PDK3: variants seen among roughly 807,000 people sequenced by gnomAD.
The protein encoded by PDK3 is pyruvate dehydrogenase kinase 3.
A neutral mutation model predicts 32.0 loss-of-function variants in PDK3; 12 were observed. The observed-to-expected ratio is 0.37, with a 90% CI of 0.24 to 0.61. The LOEUF (loss-of-function observed/expected upper bound fraction) is 0.61, where lower values mean the gene tolerates loss of function less well. Ranked by LOEUF, PDK3 falls within the 20% of genes least tolerant of loss-of-function variation. The probability of loss-of-function intolerance (pLI) is 0.65; values close to 1 mark genes in which losing one functional copy is unlikely to be tolerated. For synonymous variants in PDK3, 122 were observed against 116.3 expected, an observed-to-expected ratio of 1.05 and a Z score of -0.31; for missense variants, 188 against 316.9, an observed-to-expected ratio of 0.59 and a Z score of 3.09.
intron 1 of PDK3, among the ~76,000 whole-genome samples, chrX:24,471,853 A>G (rs750674268): frequency 1.9e-3 from 212 of 112,165 alleles, no homozygotes; most frequent in African/African-American, 6.6e-3. Flanking sequence ...CTTATTTGAC[A>G]TTGAGATCTA....
chrX:24,537,127 T>C (rs1256223126), downstream of PDK3, among the ~76,000 whole-genome samples: 3 of 99,757 alleles, frequency 3.0e-5, no homozygotes, highest in African/African-American at 1.1e-4. Context: ...CTTTTTTTTT[T>C]TTTTTTTTGA....
chrX:24,543,376 G>A, exon 12 of PDK3, among the ~76,000 whole-genome samples: 1 of 111,261 alleles, frequency 9.0e-6, no homozygotes, highest in Non-Finnish European at 1.9e-5. Flanking sequence ...TCAGTTTTCT[G>A]TACTGTTGAT....
At position 24,503,898 on chromosome X, in the gene PDK3, A is replaced by G. The variant is rs764044453; in HGVS notation, c.505+387A>G. 5.3e-5 allele frequency among the ~76,000 whole-genome samples: 6 copies of G among 112,347 alleles called. No individual in the cohort carries two copies. The East Asian group carries it at 1.4e-3, about 26-fold the overall frequency. On this transcript the variant is annotated intron_variant, in intron 4 of 10. Transcript: ENST00000379162. ...TGTTTTCCTTTTTAGTTTTAAAAAC[A>G]TTGACACTGGAAATATTGAATTGGA... is the stretch of plus-strand genomic sequence containing the variant.
chrX:24,501,720 ATAAAC>A (rs1429892739), intron 3 of PDK3, among the ~76,000 whole-genome samples: 1 of 112,409 alleles, frequency 8.9e-6, no homozygotes, highest in East Asian at 2.8e-4. Context: ...TCATAAATAA[ATAAAC>A]AAACAAACAA....
chrX:24,483,461 C>T (rs751374557), intron 1 of PDK3, among the ~76,000 whole-genome samples: 2 of 111,906 alleles, frequency 1.8e-5, no homozygotes, highest in Non-Finnish European at 3.8e-5. Flanking sequence ...CATCATGTCT[C>T]TTCCACTCTC....
At position 24,465,317 on chromosome X, in the gene PDK3, G is replaced by T. The variant is rs865963558; in HGVS notation, c.-139G>T. On this transcript the variant is annotated 5_prime_UTR_variant, in exon 1 of 11. Transcript: ENST00000379162. The stretch of plus-strand genomic sequence containing the variant: ...CTGGAGCTGCTGCTGCTGCTGCGGC[G>T]GCTGCACCGGCGGCGCCGAGGCCGA... 15 of 355,486 alleles carry T rather than the reference G, an allele frequency of 4.2e-5. 1 individual carries two copies. Among genetic ancestry groups the T allele is most frequent in the South Asian group, 1.2e-4 (2 of 16,981 alleles). The allele number at this position is 355,486 out of a possible 1,213,427, so 29.3% of individuals were successfully genotyped here. A position where few individuals can be genotyped will look rare whatever the true frequency, so the allele number is the denominator to read the frequency against.
rs186756587 is a variant in PDK3, at chrX:24,519,088, G to A, written c.673+78G>A. ...GTTTATACCTAAGCCATATTTCAGT[G>A]AGCTCCAAAAATTATACTGATTTTT... On this transcript the variant is annotated intron_variant, in intron 6 of 10. Coordinates refer to ENST00000379162, the MANE Select transcript of PDK3 (RefSeq NM_005391.5). 1.1e-4 allele frequency: 64 copies of A among 586,553 alleles called. No individual in the cohort carries two copies. In the African/African-American group the frequency reaches 1.3e-3, roughly 12 times the overall value. 48.3% of individuals were successfully genotyped at this position (586,553 alleles called of 1,213,427 possible).
intron 6 of PDK3, among the ~76,000 whole-genome samples, chrX:24,521,592 T>A (rs1922398447): frequency 9.0e-6 from 1 of 111,429 alleles, no homozygotes; most frequent in Non-Finnish European, 1.9e-5. Flanking sequence ...TGATCTCACA[T>A]CTGCAGGTAG....
intron 7 of PDK3, 80 bp downstream of exon 7, chrX:24,526,354 T>C (rs1922523314): frequency 1.7e-6 from 1 of 605,382 alleles, no homozygotes. Flanking sequence ...TTCATTAGAT[T>C]AGCATAAGAA....
At chrX:24,467,445 C>T (rs988489772) in intron 1 of PDK3, among the ~76,000 whole-genome samples, 12 of 112,217 alleles carry the variant, frequency 1.1e-4, no homozygotes, top group African/African-American at 3.6e-4. Flanking sequence ...GAGGGATTCA[C>T]TAAGGTCATG....
At chrX:24,513,166 A>G (rs1922167193) in intron 5 of PDK3, among the ~76,000 whole-genome samples, 1 of 109,947 alleles carries the variant, frequency 9.1e-6, no homozygotes, top group Non-Finnish European at 1.9e-5. Flanking sequence ...CAATCTGGAG[A>G]TTGGATATTC....
downstream of PDK3, among the ~76,000 whole-genome samples, chrX:24,537,010 T>C (rs1922790085): frequency 9.0e-6 from 1 of 111,628 alleles, no homozygotes; most frequent in African/African-American, 3.3e-5. Context: ...CATTAATCTT[T>C]GAAAGCTTTT....
chrX:24,544,628 C>T (rs186258020), exon 12 of PDK3, among the ~76,000 whole-genome samples: 1 of 111,876 alleles, frequency 8.9e-6, no homozygotes, highest in Admixed American at 9.5e-5. Flanking sequence ...GCTGGAGACT[C>T]GGAGAAATGC....
chrX:24,489,591 A>C (rs939763578), intron 1 of PDK3, among the ~76,000 whole-genome samples: 2 of 106,662 alleles, frequency 1.9e-5, no homozygotes, highest in Admixed American at 2.0e-4. Flanking sequence ...AGGCTGAGGC[A>C]GGAGAATCGT....
At chrX:24,466,276 G>A (rs1204946197) in intron 1 of PDK3, among the ~76,000 whole-genome samples, 1 of 112,266 alleles carries the variant, frequency 8.9e-6, no homozygotes, top group Non-Finnish European at 1.9e-5. Flanking sequence ...GACCAAAGAA[G>A]ATTCGGGTTC....
At chrX:24,538,824 TCA>T (rs1204735798), downstream of PDK3, among the ~76,000 whole-genome samples, 1 of 111,691 alleles carries the variant, frequency 9.0e-6, no homozygotes, top group Non-Finnish European at 1.9e-5. Flanking sequence ...TTTAGTATAT[TCA>T]CAGAGTTGTG....
At chrX:24,496,397 A>T (rs1307333751) in intron 2 of PDK3, among the ~76,000 whole-genome samples, 1 of 109,722 alleles carries the variant, frequency 9.1e-6, no homozygotes, top group Admixed American at 9.8e-5. Context: ...CACGATGTCT[A>T]CATCATGCCC....
chrX:24,535,066 A>G (rs141553591), downstream of PDK3, among the ~76,000 whole-genome samples: 110 of 113,023 alleles, frequency 9.7e-4, 1 homozygote, highest in East Asian at 0.024. Flanking sequence ...TCACTGTTTT[A>G]TGGTAATAAG....
At chrX:24,511,329 A>C (rs1279381220) in intron 5 of PDK3, among the ~76,000 whole-genome samples, 1 of 112,673 alleles carries the variant, frequency 8.9e-6, no homozygotes, top group African/African-American at 3.2e-5. Flanking sequence ...TTAATCTTCT[A>C]ACTCAGAATC....
Sources: allele counts gnomAD v4.1 joint callset (sites outside exome capture counted in the v4.1 genomes callset), GRCh38; gene constraint gnomAD v4.1.1; transcripts MANE v1.5; gene names NCBI Gene and HGNC (gene_info 2026-07-23, HGNC 2026-07-21).